Variants in DPP10 observed in about 807,000 individuals in gnomAD.
DPP10 encodes dipeptidyl peptidase like 10, also known as inactive dipeptidyl peptidase 10.
DPP10 carries 33 observed loss-of-function variants against 120.9 expected under a neutral mutation model. That is an observed-to-expected ratio of 0.27 (90% confidence interval 0.21 to 0.37). The LOEUF is 0.37. DPP10 is among the 10% of genes least tolerant of loss of function. The pLI, the probability that DPP10 is intolerant of heterozygous loss-of-function variation, is 1.00. For missense variants in DPP10, 816 were observed against 942.8 expected, an observed-to-expected ratio of 0.87 and a Z score of 1.76; for synonymous variants, 337 against 326.1, an observed-to-expected ratio of 1.03 and a Z score of -0.36.
At chr2:115,811,113 A>G (rs1686594128) in intron 19 of DPP10, among the ~76,000 whole-genome samples, 1 of 152,202 alleles carries the variant, frequency 6.6e-6, no homozygotes, top group Non-Finnish European at 1.5e-5. Flanking sequence ...TTTCCTGCAC[A>G]TGCCTGATTT....
chr2:115,383,849 G>A (rs1052114017), intron 3 of DPP10, among the ~76,000 whole-genome samples: 1 of 152,140 alleles, frequency 6.6e-6, no homozygotes, highest in Non-Finnish European at 1.5e-5. Flanking sequence ...GCTACAAAAA[G>A]TTAGTTGAGA....
chr2:114,506,461 G>C (rs1296960570), intron 1 of DPP10, among the ~76,000 whole-genome samples: 1 of 152,110 alleles, frequency 6.6e-6, no homozygotes, highest in Non-Finnish European at 1.5e-5. Context: ...CAAGAATTTA[G>C]GTGCCATGAG....
intron 21 of DPP10, among the ~76,000 whole-genome samples, chr2:115,830,333 G>A (rs1688791535): frequency 6.7e-6 from 1 of 148,656 alleles, no homozygotes; most frequent in Admixed American, 6.7e-5. Flanking sequence ...ACTCCAGCCT[G>A]GGCAACAAGA....
intron 1 of DPP10, among the ~76,000 whole-genome samples, chr2:114,544,635 A>G (rs778200265): frequency 1.2e-4 from 19 of 152,124 alleles, no homozygotes; most frequent in Non-Finnish European, 2.2e-4. Flanking sequence ...AAATTTGTTT[A>G]GCAAGGTCTA....
At chr2:114,978,947 G>C (rs534961332) in intron 1 of DPP10, among the ~76,000 whole-genome samples, 3 of 152,170 alleles carry the variant, frequency 2.0e-5, no homozygotes, top group East Asian at 3.9e-4. Flanking sequence ...GTATAATTCA[G>C]TATGGCTCCT....
At chr2:115,251,067 G>T (rs1473752742) in intron 1 of DPP10, among the ~76,000 whole-genome samples, 1 of 152,306 alleles carries the variant, frequency 6.6e-6, no homozygotes, top group South Asian at 2.1e-4. Context: ...TGTGGGAAGT[G>T]CAGTCAGAAA....
intron 1 of DPP10, among the ~76,000 whole-genome samples, chr2:115,283,979 A>T (rs189116289): frequency 4.0e-4 from 61 of 152,106 alleles, no homozygotes; most frequent in Admixed American, 3.6e-3. Flanking sequence ...GTACTCTATG[A>T]TGTTTGCACA....
At chr2:115,529,290 C>G (rs550353111) in intron 5 of DPP10, among the ~76,000 whole-genome samples, 76 of 151,972 alleles carry the variant, frequency 5.0e-4, no homozygotes, top group African/African-American at 1.4e-3. Flanking sequence ...TTGCCTCAGC[C>G]TCCTGAGTAG....
chr2:114,443,758 C>G (rs1677791652), intron 1 of DPP10, among the ~76,000 whole-genome samples: 1 of 150,466 alleles, frequency 6.6e-6, no homozygotes, highest in Admixed American at 6.6e-5. Context: ...TCTTTAGTTA[C>G]TGCAATCTCT....
In DPP10 at chr2:114,601,776, A is replaced by G. The variant is rs1407279438; in HGVS notation, c.60+158938A>G. 3.3e-5 allele frequency among the ~76,000 whole-genome samples: 5 copies of G among 152,064 alleles called. No individual in the cohort carries two copies. In the East Asian group the frequency reaches 9.7e-4, roughly 29 times the overall value. On this transcript the variant is annotated intron_variant, in intron 1 of 25. Transcript: ENST00000410059. Reference sequence around the variant, plus strand: ...TATTTGGAAAATTGATGAGGGCATTAAGTTCTGAAGTCATGTTGATTCTAA... The same window carrying G: ...TATTTGGAAAATTGATGAGGGCATTGAGTTCTGAAGTCATGTTGATTCTAA...
chr2:115,652,411 G>GTTTA (rs1553470819), intron 5 of DPP10, among the ~76,000 whole-genome samples: 3 of 61,538 alleles, frequency 4.9e-5, no homozygotes, highest in African/African-American at 1.0e-4. Context: ...GGATATATAT[G>GTTTA]TGTGTGTGTG....
At chr2:115,494,986 G>A (rs1209719582) in intron 3 of DPP10, among the ~76,000 whole-genome samples, 3 of 152,030 alleles carry the variant, frequency 2.0e-5, no homozygotes, top group Non-Finnish European at 2.9e-5. Flanking sequence ...AACCAATATG[G>A]TGACTTTTTA....
intron 1 of DPP10, among the ~76,000 whole-genome samples, chr2:115,215,654 T>C (rs760371459): frequency 2.6e-5 from 4 of 152,204 alleles, no homozygotes; most frequent in African/African-American, 7.2e-5. Context: ...ATATACATCA[T>C]TGGTGGGAAT....
At chr2:114,813,404 A>T (rs1177231064) in intron 1 of DPP10, among the ~76,000 whole-genome samples, 1 of 152,158 alleles carries the variant, frequency 6.6e-6, no homozygotes, top group East Asian at 1.9e-4. Context: ...AAAATACCAA[A>T]ATTATAGACA....
In DPP10 at chr2:115,733,397, T is replaced by A. The variant is rs543830720; in HGVS notation, c.697+5461T>A. 4.5e-4 allele frequency among the ~76,000 whole-genome samples: 69 copies of A among 151,968 alleles called. 1 individual carries two copies. Among genetic ancestry groups the A allele is most frequent in the African/African-American group, 1.6e-3 (68 of 41,448 alleles). On this transcript the variant is annotated intron_variant, in intron 8 of 25. Coordinates refer to ENST00000410059, the MANE Select transcript of DPP10 (RefSeq NM_020868.6). ...ATCAGTAGTGCTGAGTCTCCAGAGG[T>A]CAAACAAGGGAAGGATTCCAAAGCT...
intron 1 of DPP10, among the ~76,000 whole-genome samples, chr2:114,954,787 G>A (rs6706534): frequency 0.99 from 150,149 of 152,262 alleles, 74,060 homozygotes; most frequent in Non-Finnish European, 1. Context: ...AGATACTACA[G>A]CTGAAACCAC....
intron 5 of DPP10, among the ~76,000 whole-genome samples, chr2:115,597,647 T>C (rs577874668): frequency 6.6e-6 from 1 of 151,684 alleles, no homozygotes; most frequent in East Asian, 1.9e-4. Flanking sequence ...ATATCAGCTT[T>C]TAATTAAGCA....
chr2:115,401,021 A>G (rs2068035450), intron 3 of DPP10, among the ~76,000 whole-genome samples: 1 of 152,282 alleles, frequency 6.6e-6, no homozygotes, highest in African/African-American at 2.4e-5. Flanking sequence ...TGGTTGGGGG[A>G]GCAATGGACC....
chr2:115,782,056 A>G (rs923564451), intron 16 of DPP10, among the ~76,000 whole-genome samples: 43 of 151,986 alleles, frequency 2.8e-4, no homozygotes, highest in African/African-American at 9.2e-4. Flanking sequence ...TCTATAAAAG[A>G]CTAGAGATAA....
Sources: allele counts gnomAD v4.1 joint callset (sites outside exome capture counted in the v4.1 genomes callset), GRCh38; gene constraint gnomAD v4.1.1; transcripts MANE v1.5; gene names NCBI Gene and HGNC (gene_info 2026-07-23, HGNC 2026-07-21).